The following ELOVL4 variants were observed in gnomAD, a reference collection of about 807,000 sequenced individuals.
ELOVL4 encodes the protein very long chain fatty acid elongase 4.
ELOVL4 carries 18 observed loss-of-function variants against 42.1 expected under a neutral mutation model. The observed-to-expected ratio is 0.43, with a 90% CI of 0.30 to 0.63. The LOEUF (loss-of-function observed/expected upper bound fraction) is 0.63, where lower values mean the gene tolerates loss of function less well. ELOVL4 is among the 30% of genes least tolerant of loss of function. The pLI is 0.15. For missense variants in ELOVL4, 299 were observed against 376.2 expected (o/e 0.79, Z 1.70); for synonymous variants, 117 against 127.0 (o/e 0.92, Z 0.53).
intron 1 of ELOVL4, among the ~76,000 whole-genome samples, chr6:79,941,828 C>T (rs1002179225): frequency 1.3e-5 from 2 of 152,142 alleles, no homozygotes; most frequent in African/African-American, 4.8e-5. Flanking sequence ...CATATCATAT[C>T]AACAAATATA....
rs765569483 is a variant in ELOVL4, at chr6:79,916,604, C to A, written c.*4G>T. 2.5e-6 allele frequency: 4 copies of A among 1,613,464 alleles called. No homozygotes were observed. The highest frequency in any genetic ancestry group is 3.4e-6 in the Non-Finnish European group (4 of 1,179,940). On this transcript the variant is annotated 3_prime_UTR_variant, in exon 6 of 6. Coordinates refer to ENST00000369816, the MANE Select transcript of ELOVL4 (RefSeq NM_022726.4). ...TGTCAACAACAGTTAAGGCCCAGTT[C>A]AATTTAATCTCCTTTTGCTTTTCCA...
At chr6:79,917,004 T>C in intron 5 of ELOVL4, 121 bp from the exon 6 acceptor site, 1 of 1,090,266 alleles carries the variant, frequency 9.2e-7, no homozygotes. Context: ...GCAAAATTTA[T>C]TGTTTTCTGG....
At position 79,947,546 on chromosome 6, in the gene ELOVL4, C is replaced by T. The variant is rs1474249534; in HGVS notation, c.-267G>A. The T allele has an allele frequency of 2.1e-6, 1 of 474,166 alleles. No individual in the cohort carries two copies. Among genetic ancestry groups the T allele is most frequent in the Non-Finnish European group, 3.8e-6 (1 of 260,962 alleles). The allele number at this position is 474,166 out of a possible 1,614,324, so 29.4% of individuals were successfully genotyped here. ...CAGCCGCCAGCACAGTGCGCTGCAC[C>T]AGTCTGCAGCCTCGCGCAGCCGCCC... On this transcript the variant is annotated 5_prime_UTR_variant, in exon 1 of 6. Transcript: ENST00000369816.
intron 3 of ELOVL4, among the ~76,000 whole-genome samples, chr6:79,924,449 T>C (rs1774310696): frequency 6.6e-6 from 1 of 152,170 alleles, no homozygotes; most frequent in African/African-American, 2.4e-5. Context: ...AAAAACATTT[T>C]TGAGATACAA....
chr6:79,941,971 A>G (rs922238882), intron 1 of ELOVL4, among the ~76,000 whole-genome samples: 1 of 152,254 alleles, frequency 6.6e-6, no homozygotes, highest in Non-Finnish European at 1.5e-5. Flanking sequence ...TACTAAAGAC[A>G]ATGAGCTCCT....
chr6:79,942,706 T>C (rs1029389133), intron 1 of ELOVL4, among the ~76,000 whole-genome samples: 1 of 152,244 alleles, frequency 6.6e-6, no homozygotes, highest in Non-Finnish European at 1.5e-5. Context: ...AACTGTGTCC[T>C]GACACCCGTT....
rs764637851 is a variant in ELOVL4, at chr6:79,926,255, C to T, written c.227G>A (p.Arg76His). ...WMKDREPFQM[R>H]LVLIIYNFGM... Reference sequence around the variant, plus strand: ...AAAATTATAGATAATGAGCACTAGACGCATCTGAAAAGGTTCTCGGTCCTT... The same window carrying T: ...AAAATTATAGATAATGAGCACTAGATGCATCTGAAAAGGTTCTCGGTCCTT... Residue 76 changes from arginine (R) to histidine (H), a missense_variant, in exon 2 of 6, where the codon CGT (arginine) becomes CAT (histidine). Physicochemically the swap from Arg to His is conservative, Grantham distance 29. Coordinates refer to ENST00000369816, the MANE Select transcript of ELOVL4 (RefSeq NM_022726.4). 9.3e-6 allele frequency: 15 copies of T among 1,613,864 alleles called. No individual in the cohort carries two copies. The highest frequency in any genetic ancestry group is 4.5e-5 in the East Asian group (2 of 44,842).
In ELOVL4 at chr6:79,926,318, A is replaced by G. The variant is rs749173327; in HGVS notation, c.164T>C (p.Leu55Pro). The G allele has an allele frequency of 6.2e-7, 1 of 1,614,060 alleles. No homozygotes were observed. Among genetic ancestry groups the G allele is most frequent in the African/African-American group, 1.3e-5 (1 of 75,046 alleles). Reference sequence around the variant, plus strand: ...ACCCAGCCACACAAACAGGAGATAAAGAGTGCTTATACTTAGTGTAGGCCA... The same window carrying G: ...ACCCAGCCACACAAACAGGAGATAAGGAGTGCTTATACTTAGTGTAGGCCA... ...SPWPTLSIST[L>P]YLLFVWLGPK... is the part of the protein sequence containing the mutation. Residue 55 changes from leucine (L) to proline (P), a missense_variant, in exon 2 of 6, where the codon CTT (leucine) becomes CCT (proline). Coordinates refer to ENST00000369816, the MANE Select transcript of ELOVL4 (RefSeq NM_022726.4).
At chr6:79,919,927 C>T (rs959173789) in intron 4 of ELOVL4, among the ~76,000 whole-genome samples, 5 of 152,112 alleles carry the variant, frequency 3.3e-5, no homozygotes, top group African/African-American at 1.2e-4. Context: ...CAAAACAGTA[C>T]TTATTTCTTA....
intron 1 of ELOVL4, among the ~76,000 whole-genome samples, chr6:79,935,167 C>T (rs239529): frequency 0.23 from 35,434 of 151,986 alleles, 6,004 homozygotes; most frequent in African/African-American, 0.48. Context: ...CTACTTAATA[C>T]ACAAACAACT....
In ELOVL4 at chr6:79,921,848, GT is replaced by G. The variant is rs775696541; in HGVS notation, c.370-53del. 31 of 1,544,264 alleles carry G rather than the reference GT, an allele frequency of 2.0e-5. No homozygotes were observed. The South Asian group carries it at 2.4e-4, about 12-fold the overall frequency. On this transcript the variant is annotated intron_variant, in intron 3 of 5. Coordinates refer to ENST00000369816, the MANE Select transcript of ELOVL4 (RefSeq NM_022726.4). The stretch of plus-strand genomic sequence containing the variant: ...ACACCAAAATGACACTATTGTATGG[GT>G]TTATACTCATTGTAAGTAAGTCCAA...
chr6:79,930,222 G>C (rs1285251451), intron 1 of ELOVL4, among the ~76,000 whole-genome samples: 1 of 152,172 alleles, frequency 6.6e-6, no homozygotes, highest in Admixed American at 6.5e-5. Context: ...AACAATGCAA[G>C]GCATGCATTC....
In ELOVL4 at chr6:79,919,442, C is replaced by T. The variant is rs776107074; in HGVS notation, c.647G>A (p.Arg216Gln). 5 of 1,613,770 alleles carry T rather than the reference C, an allele frequency of 3.1e-6. No individual in the cohort carries two copies. The highest frequency in any genetic ancestry group is 2.2e-5 in the East Asian group (1 of 44,798). ...CACCAGTTGCAACATAGTCAGGTAT[C>T]GTTTCCACCAAAGATATTTCTGAAT... ...PWIQKYLWWK[R>Q]YLTMLQLIQF... The change falls in exon 5 of 6, where the codon CGA becomes CAA. Residue 216 changes from arginine to glutamine, a missense_variant. By Grantham distance (43) the Arg-to-Gln change is conservative. Coordinates refer to ENST00000369816, the MANE Select transcript of ELOVL4 (RefSeq NM_022726.4).
At chr6:79,921,013 G>C (rs1774242952) in intron 4 of ELOVL4, among the ~76,000 whole-genome samples, 1 of 152,082 alleles carries the variant, frequency 6.6e-6, no homozygotes, top group Admixed American at 6.5e-5. Context: ...CTGTGTCTTG[G>C]TATTCTTTGG....
chr6:79,947,138 C>A, intron 1 of ELOVL4, 42 bp downstream of exon 1: 1 of 1,544,798 alleles, frequency 6.5e-7, no homozygotes, highest in South Asian at 1.1e-5. Context: ...CGGTGACCCC[C>A]CGCGGGGGAC....
chr6:79,941,902 G>C (rs1774652754), intron 1 of ELOVL4, among the ~76,000 whole-genome samples: 1 of 152,200 alleles, frequency 6.6e-6, no homozygotes, highest in African/African-American at 2.4e-5. Context: ...AATAACGAAA[G>C]TTTAAACAGT....
chr6:79,933,530 C>G (rs1188374411), intron 1 of ELOVL4, among the ~76,000 whole-genome samples: 1 of 152,130 alleles, frequency 6.6e-6, no homozygotes, highest in East Asian at 1.9e-4. Flanking sequence ...CACACCCAGC[C>G]AGTTTTGGCT....
At chr6:79,925,546 C>A (rs1774328702) in intron 2 of ELOVL4, among the ~76,000 whole-genome samples, 1 of 152,122 alleles carries the variant, frequency 6.6e-6, no homozygotes. Flanking sequence ...TTTAATGAGT[C>A]TCTTAGGAAA....
chr6:79,916,346 T>A lies in ELOVL4; in HGVS notation c.*262A>T. 4.4e-6 allele frequency: 2 copies of A among 459,534 alleles called. No homozygotes were observed. The allele number at this position is 459,534 out of a possible 1,614,324, so 28.5% of individuals were successfully genotyped here. On this transcript the variant is annotated 3_prime_UTR_variant, in exon 6 of 6. Transcript: ENST00000369816. ...CAACTGGATGTGAACAGGGGGAGAA[T>A]CCCCAAAGTCACTTAATGATTGCTT...
Sources: gnomAD v4.1 joint callset for allele counts (sites outside exome capture counted in the v4.1 genomes callset) on GRCh38, gnomAD v4.1.1 for gene constraint, MANE v1.5 for transcripts, NCBI Gene and HGNC (gene_info 2026-07-23, HGNC 2026-07-21) for gene names.